PRPF6: variants seen among roughly 807,000 people sequenced by gnomAD.
PRPF6 encodes the protein pre-mRNA-processing factor 6.
PRPF6 carries 42 observed loss-of-function variants against 118.3 expected under a neutral mutation model. The ratio of observed to expected loss-of-function variants is 0.35; its 90% confidence interval spans 0.28 to 0.46. The LOEUF is 0.46. PRPF6 is among the 20% of genes least tolerant of loss of function. The pLI is 1.00. For synonymous variants in PRPF6, 481 were observed against 485.1 expected (o/e 0.99, Z 0.11); for missense variants, 662 against 1,255.7 (o/e 0.53, Z 7.15).
rs187785408 is a variant in PRPF6 at position 64,013,577 on chromosome 20, G to A, written c.1524+2074G>A. Among the ~76,000 whole-genome samples, 13 of 152,210 alleles carry A rather than the reference G, an allele frequency of 8.5e-5. No homozygotes were observed. In the East Asian group the frequency reaches 2.3e-3, roughly 27 times the overall value. On this transcript the variant is annotated intron_variant, in intron 11 of 20. Transcript: ENST00000266079. ...TCCCGCCTTAACCTCCCAAGTGGCTGGGACTACAGGCGTGTGCCACCATGC... is the reference window on the plus strand; with the variant it reads ...TCCCGCCTTAACCTCCCAAGTGGCTAGGACTACAGGCGTGTGCCACCATGC...
intron 3 of PRPF6, among the ~76,000 whole-genome samples, chr20:63,987,198 G>A (rs1278398656): frequency 7.4e-5 from 11 of 148,412 alleles, no homozygotes; most frequent in Admixed American, 5.4e-4. Context: ...AAGGGGGGGG[G>A]AGCATAACAC....
chr20:63,981,624 C>T (rs1034478743), intron 1 of PRPF6, among the ~76,000 whole-genome samples: 9 of 152,012 alleles, frequency 5.9e-5, no homozygotes, highest in African/African-American at 2.2e-4. Flanking sequence ...CGACCACCTT[C>T]CTCAGGTCGG....
intron 3 of PRPF6, 117 bp downstream of exon 3, chr20:63,985,142 T>C: frequency 2.6e-6 from 2 of 771,464 alleles, no homozygotes; most frequent in Middle Eastern, 3.7e-4. Flanking sequence ...GGTAGGACGA[T>C]AGCTAGAGCC....
chr20:64,030,147 C>T (rs1458568452), intron 19 of PRPF6, among the ~76,000 whole-genome samples: 1 of 152,238 alleles, frequency 6.6e-6, no homozygotes, highest in Non-Finnish European at 1.5e-5. Flanking sequence ...CCATCCCCGA[C>T]CCCCAGGGTC....
At chr20:63,989,723 C>A (rs2059110283) in intron 3 of PRPF6, among the ~76,000 whole-genome samples, 2 of 151,878 alleles carry the variant, frequency 1.3e-5, no homozygotes, top group South Asian at 4.2e-4. Flanking sequence ...CCATGTTGGC[C>A]AGGATGGTCT....
In PRPF6 at chr20:64,029,881, G is replaced by A. The variant is rs886919359; in HGVS notation, c.2546+390G>A. 6.6e-6 allele frequency among the ~76,000 whole-genome samples: 1 copy of A among 151,702 alleles called. No homozygotes were observed. The highest frequency in any genetic ancestry group is 2.4e-5 in the African/African-American group (1 of 41,132). On this transcript the variant is annotated intron_variant, in intron 19 of 20. Coordinates refer to ENST00000266079, the MANE Select transcript of PRPF6 (RefSeq NM_012469.4). This position sits in a 1 kb window ranked among gnomAD's most constrained non-coding sequence, Gnocchi z 4.8. ...ACTGGGGACGCATGTGATTCACACT[G>A]GTGCGCTGGCCGCCGGGTCAGAGAC...
In PRPF6 at chr20:64,032,000, G is replaced by T; in HGVS notation, c.2629G>T (p.Ala877Ser). The T allele has an allele frequency of 6.2e-7, 1 of 1,614,178 alleles. No homozygotes were observed. Residue 877 changes from alanine (A) to serine (S), a missense_variant, in exon 20 of 21, where the codon GCC becomes TCC. By Grantham distance (99) the Ala-to-Ser change is moderately conservative. Coordinates refer to ENST00000266079, the MANE Select transcript of PRPF6 (RefSeq NM_012469.4). ...GAAGATTGACTCGGACCTGGGGGAT[G>T]CCTGGGCCTTCTTCTACAAGTTTGA... ...TVKIDSDLGD[A>S]WAFFYKFELQ...
chr20:64,021,934 CGTGTGTGTGCGTGTGT>C (rs2059268118), intron 12 of PRPF6, among the ~76,000 whole-genome samples: 1 of 141,468 alleles, frequency 7.1e-6, no homozygotes, highest in African/African-American at 2.7e-5. Context: ...CAGCCACAGC[CGTGTGTGTGCGTGTGT>C]GTGTGTGTGC....
rs1484701399 is a variant in PRPF6 at position 64,027,183 on chromosome 20, G to A, written c.2205+25G>A. The stretch of plus-strand genomic sequence containing the variant: ...GGTACGTCTCTGCCTGCACCCTGGG[G>A]CTGCAGCTGACCCGGCATTCACAAA... On this transcript the variant is annotated intron_variant, in intron 16 of 20. Transcript: ENST00000266079. This position sits in a 1 kb window ranked among gnomAD's most constrained non-coding sequence, Gnocchi z 6.5. The A allele has an allele frequency of 1.9e-6, 3 of 1,611,658 alleles. No homozygotes were observed. Among genetic ancestry groups the A allele is most frequent in the Admixed American group, 3.3e-5 (2 of 59,950 alleles).
At chr20:63,992,467 G>A (rs1405749693) in intron 3 of PRPF6, among the ~76,000 whole-genome samples, 1 of 151,854 alleles carries the variant, frequency 6.6e-6, no homozygotes, top group African/African-American at 2.4e-5. Context: ...TTACCACATT[G>A]GCCAGGCTTG....
Position 64,010,367 on chromosome 20 carries a change from T to G in PRPF6, c.1305+49T>G, listed in dbSNP as rs2059211190. ...ACCAGAGCCCAAAGTGGCCAAGGCC[T>G]GAGCCCAGGTTCAGTGTCTGGAAGT... On this transcript the variant is annotated intron_variant, in intron 10 of 20. Transcript: ENST00000266079. 3.5e-6 allele frequency: 5 copies of G among 1,423,646 alleles called. No homozygotes were observed. In the East Asian group the frequency reaches 1.1e-4, roughly 32 times the overall value. The allele number at this position is 1,423,646 out of a possible 1,614,324, so 88.2% of individuals were successfully genotyped here.
chr20:63,982,948 G>T (rs998924738), intron 1 of PRPF6, 99 bp from the exon 2 acceptor site: 11 of 1,394,348 alleles, frequency 7.9e-6, no homozygotes, highest in Non-Finnish European at 1.1e-5. Flanking sequence ...TTTCCCAAAG[G>T]TGTTAGAAAA....
In PRPF6 at chr20:64,027,012, G is replaced by A. The variant is rs1254132782; in HGVS notation, c.2059G>A (p.Val687Met). The change falls in exon 16 of 21, where the codon GTG becomes ATG. Residue 687 changes from valine (V) to methionine (M), a missense_variant. Physicochemically the swap from Val to Met is conservative, Grantham distance 21. This residue lies in a region of PRPF6 where 244 missense variants were observed against 383.7 expected (regional missense o/e 0.64). Coordinates refer to ENST00000266079, the MANE Select transcript of PRPF6 (RefSeq NM_012469.4). This position sits in a 1 kb window ranked among gnomAD's most constrained non-coding sequence, Gnocchi z 6.5. ...VFMKSVKLEW[V>M]QDNIRAAQDL... ...CATGAAGTCTGTGAAGCTGGAGTGG[G>A]TGCAAGACAACATCAGGGCAGCCCA... is the stretch of plus-strand genomic sequence containing the variant. 5 of 1,613,890 alleles carry A rather than the reference G, an allele frequency of 3.1e-6. No homozygotes were observed. In the African/African-American group the frequency reaches 4.0e-5, roughly 13 times the overall value.
At position 64,024,474 on chromosome 20, in the gene PRPF6, C is replaced by T. The variant is rs975776564; in HGVS notation, c.1770-81C>T. 9.0e-6 allele frequency: 14 copies of T among 1,560,728 alleles called. No individual in the cohort carries two copies. In the East Asian group the frequency reaches 1.6e-4, roughly 18 times the overall value. On this transcript the variant is annotated intron_variant, in intron 13 of 20. Transcript: ENST00000266079. ...TTTGGAGCAGTAACTGTCTTTCTGG[C>T]GTGCCCACGCCATGGCTGAGTGTGA...
chr20:63,998,694 T>G (rs1012096148), intron 6 of PRPF6, among the ~76,000 whole-genome samples: 1 of 150,518 alleles, frequency 6.6e-6, no homozygotes, highest in Admixed American at 6.6e-5. Flanking sequence ...ACAAAAAAAT[T>G]AGCCAGGTGT....
Position 64,011,548 on chromosome 20 carries a change from A to C in PRPF6, c.1524+45A>C. On this transcript the variant is annotated intron_variant, in intron 11 of 20. Transcript: ENST00000266079. The surrounding 1 kb of genome is among the most constrained non-coding windows in gnomAD (Gnocchi z 6.7). The stretch of plus-strand genomic sequence containing the variant: ...CGTGGTGTCTGCTTTAACAGTGCAC[A>C]TGCAGCACGTGAGAGTCCCACGCAG... The C allele has an allele frequency of 6.4e-7, 1 of 1,569,864 alleles. No individual in the cohort carries two copies. The highest frequency in any genetic ancestry group is 8.6e-7 in the Non-Finnish European group (1 of 1,156,366).
At chr20:64,030,386 G>A (rs2059309547) in intron 19 of PRPF6, among the ~76,000 whole-genome samples, 1 of 152,212 alleles carries the variant, frequency 6.6e-6, no homozygotes, top group Non-Finnish European at 1.5e-5. Context: ...GGGTCATGCA[G>A]AGACAACAGC....
Position 63,995,327 on chromosome 20 carries a change from C to T in PRPF6, c.616C>T (p.Gln206Ter). The change falls in exon 6 of 21, where the codon CAA becomes TAA. Residue 206 changes from glutamine (Q) to a stop codon, truncating the protein, a stop_gained and splice_region_variant. Transcript: ENST00000266079. LOFTEE classifies it high-confidence loss of function. ...NHTSVDPRQT[Q>*]FGGLNTPYPG... Reference sequence around the variant, plus strand: ...TTGCCTTTCCTCTCTTCCCCTCCAGCAATTTGGAGGTCTTAACACACCCTA... The same window carrying T: ...TTGCCTTTCCTCTCTTCCCCTCCAGTAATTTGGAGGTCTTAACACACCCTA... 1 of 1,610,734 alleles carries T rather than the reference C, an allele frequency of 6.2e-7. No homozygotes were observed. The highest frequency in any genetic ancestry group is 8.5e-7 in the Non-Finnish European group (1 of 1,178,360).
In PRPF6 at chr20:64,025,974, C is replaced by T. The variant is rs151332876; in HGVS notation, c.1944C>T (p.Ala648=). The T allele has an allele frequency of 1.8e-4, 284 of 1,613,514 alleles. No individual in the cohort carries two copies. The East Asian group carries it at 1.9e-3, about 11-fold the overall frequency. ...NPNSEEIWLA[A]VKLESENDEY... ...ACAGTGAGGAGATCTGGCTGGCAGC[C>T]GTGAAGCTGGAGTCCGAGAATGATG... The change falls in exon 15 of 21, where the codon GCC becomes GCT. Residue 648 remains alanine, a synonymous_variant. Coordinates refer to ENST00000266079, the MANE Select transcript of PRPF6 (RefSeq NM_012469.4).
Sources: allele counts gnomAD v4.1 joint callset (sites outside exome capture counted in the v4.1 genomes callset), GRCh38; gene constraint gnomAD v4.1.1; regional missense constraint gnomAD v4.1.1; non-coding constraint Gnocchi (gnomAD v3.1); transcripts MANE v1.5; gene names NCBI Gene and HGNC (gene_info 2026-07-23, HGNC 2026-07-21).